The following SESTD1 variants were observed in gnomAD, a reference collection of about 807,000 sequenced individuals.
SESTD1 encodes the protein SEC14 and spectrin domain containing 1.
In SESTD1, 43 loss-of-function variants were observed where a neutral mutation model predicts 101.7. That is an observed-to-expected ratio of 0.42 (90% CI 0.33 to 0.55). The LOEUF (loss-of-function observed/expected upper bound fraction) is 0.55, where lower values mean the gene tolerates loss of function less well. SESTD1 is among the 20% of genes least tolerant of loss of function. The pLI is 0.07. For synonymous variants in SESTD1, 283 were observed against 286.8 expected, an observed-to-expected ratio of 0.99 and a Z score of 0.13; for missense variants, 647 against 815.1, an observed-to-expected ratio of 0.79 and a Z score of 2.51.
At chr2:179,259,727 A>G (rs1443860458) in intron 1 of SESTD1, among the ~76,000 whole-genome samples, 4 of 152,164 alleles carry the variant, frequency 2.6e-5, no homozygotes, top group Admixed American at 2.6e-4. Flanking sequence ...TATTCACTAC[A>G]TGCAAAGAAA....
In SESTD1 at chr2:179,176,529, A is replaced by G. The variant is rs565875336; in HGVS notation, c.174T>C (p.Cys58=). 7.4e-6 allele frequency: 12 copies of G among 1,612,586 alleles called. No homozygotes were observed. In the African/African-American group the frequency reaches 1.6e-4, roughly 21 times the overall value. ...CAATCACGGTAAATCCTCTAGCCTT[A>G]CACTTCTCACTGAAACAAAATAAAA... ...DYLLSIPSEK[C]KARGFTVIVD... The change falls in exon 4 of 18, where the codon TGT becomes TGC. Residue 58 remains cysteine (C), a synonymous_variant. Transcript: ENST00000428443.
chr2:179,136,702 T>C (rs1469923573), intron 9 of SESTD1, among the ~76,000 whole-genome samples: 1 of 152,148 alleles, frequency 6.6e-6, no homozygotes, highest in Non-Finnish European at 1.5e-5. Flanking sequence ...TAAGACATCA[T>C]TAAACATTTA....
At chr2:179,200,153 AG>A (rs1253661210) in intron 1 of SESTD1, among the ~76,000 whole-genome samples, 4 of 152,128 alleles carry the variant, frequency 2.6e-5, no homozygotes, top group Non-Finnish European at 5.9e-5. Flanking sequence ...CCAAATCATG[AG>A]TGAACTCCCA....
At chr2:179,249,469 T>C (rs2047282812) in intron 1 of SESTD1, among the ~76,000 whole-genome samples, 2 of 152,184 alleles carry the variant, frequency 1.3e-5, no homozygotes, top group African/African-American at 4.8e-5. Context: ...ACATGTATAA[T>C]ACTTGTATGC....
At chr2:179,208,735 C>G (rs964097002) in intron 1 of SESTD1, among the ~76,000 whole-genome samples, 1 of 135,026 alleles carries the variant, frequency 7.4e-6, no homozygotes, top group Non-Finnish European at 1.6e-5. Context: ...AATCTTGAAA[C>G]AAATCCTCGA....
rs549107984 is a variant in SESTD1 at position 179,215,545 on chromosome 2, G to A, written c.-25-23679C>T. Among the ~76,000 whole-genome samples, 164 of 133,830 alleles carry A rather than the reference G, an allele frequency of 1.2e-3. 31 individuals carry two copies. The highest frequency in any genetic ancestry group is 4.6e-3 in the African/African-American group (155 of 33,738). 87.8% of individuals were successfully genotyped at this position (133,830 alleles called of 152,430 possible). A position where few individuals can be genotyped will look rare whatever the true frequency, so the allele number is the denominator to read the frequency against. Reference sequence around the variant, plus strand: ...GTCCAGGACCAGACGATTCACAGCCGAATTCTAACAGGGGTACAAAGAGGA... The same window carrying A: ...GTCCAGGACCAGACGATTCACAGCCAAATTCTAACAGGGGTACAAAGAGGA... On this transcript the variant is annotated intron_variant, in intron 1 of 17. Coordinates refer to ENST00000428443, the MANE Select transcript of SESTD1 (RefSeq NM_178123.5).
chr2:179,238,607 T>G (rs1176234337), intron 1 of SESTD1, among the ~76,000 whole-genome samples: 1 of 152,140 alleles, frequency 6.6e-6, no homozygotes, highest in Non-Finnish European at 1.5e-5. Context: ...TGTAAGAAAC[T>G]AGAAACTTAT....
chr2:179,252,951 G>A (rs1176868834), intron 1 of SESTD1, among the ~76,000 whole-genome samples: 1 of 152,036 alleles, frequency 6.6e-6, no homozygotes, highest in East Asian at 1.9e-4. Flanking sequence ...CCAACCCCCA[G>A]GAATCTGTTC....
At chr2:179,141,705 TCC>T (rs1172081273) in intron 9 of SESTD1, among the ~76,000 whole-genome samples, 1 of 152,086 alleles carries the variant, frequency 6.6e-6, no homozygotes, top group Non-Finnish European at 1.5e-5. Context: ...ACCTTCCTTT[TCC>T]CCAAGGTCAA....
At chr2:179,157,729 C>T (rs2045658215) in intron 5 of SESTD1, among the ~76,000 whole-genome samples, 1 of 152,058 alleles carries the variant, frequency 6.6e-6, no homozygotes, top group South Asian at 2.1e-4. Context: ...ATTCACTTAA[C>T]AATCATTATT....
At chr2:179,166,992 T>A (rs1187944219) in intron 5 of SESTD1, among the ~76,000 whole-genome samples, 1 of 152,044 alleles carries the variant, frequency 6.6e-6, no homozygotes, top group Non-Finnish European at 1.5e-5. Flanking sequence ...ACAAGATGTC[T>A]AACATTCAAT....
chr2:179,237,915 G>C (rs2047093176), intron 1 of SESTD1, among the ~76,000 whole-genome samples: 2 of 152,038 alleles, frequency 1.3e-5, no homozygotes, highest in African/African-American at 4.8e-5. Context: ...AGCAATACAG[G>C]GATTATGGGC....
chr2:179,191,832 A>T lies in SESTD1; in HGVS notation c.10T>A (p.Ser4Thr). MEA[S>T]VILPILKKKL... ...TTCTTCAGAATGGGTAATATTACTG[A>T]GGCCTCCATTTTACTCCAGTGAACT... The change falls in exon 2 of 18, where the codon TCA (serine) becomes ACA (threonine). Residue 4 changes from serine (S) to threonine (T), a missense_variant. Transcript: ENST00000428443. 1 of 1,612,384 alleles carries T rather than the reference A, an allele frequency of 6.2e-7. No homozygotes were observed. Among genetic ancestry groups the T allele is most frequent in the Non-Finnish European group, 8.5e-7 (1 of 1,179,102 alleles).
At chr2:179,134,232 T>A (rs1038135809) in intron 9 of SESTD1, among the ~76,000 whole-genome samples, 2 of 152,194 alleles carry the variant, frequency 1.3e-5, no homozygotes, top group African/African-American at 4.8e-5. Flanking sequence ...TACTCCAGAT[T>A]TCAGTGTTAT....
chr2:179,211,602 A>AT (rs1309740464), intron 1 of SESTD1, among the ~76,000 whole-genome samples: 2 of 133,934 alleles, frequency 1.5e-5, no homozygotes, highest in African/African-American at 5.9e-5. Context: ...TGGTGCTGGG[A>AT]TAATTGGCAA....
Position 179,121,900 on chromosome 2 carries a change from CT to C in SESTD1, c.1311del (p.Gly438ValfsTer20). 5 of 1,607,054 alleles carry C rather than the reference CT, an allele frequency of 3.1e-6. No homozygotes were observed. The highest frequency in any genetic ancestry group is 2.3e-5 in the East Asian group (1 of 44,416). On this transcript the variant is annotated frameshift_variant, in exon 13 of 18. Coordinates refer to ENST00000428443, the MANE Select transcript of SESTD1 (RefSeq NM_178123.5). LOFTEE classifies it high-confidence loss of function. ...VDVGLQGLREKGQGLLDQISN... is the reference protein window; with the variant it reads ...VDVGLQGLREXGQGLLDQISN... ...GAGATCTGATCCAGGAGACCTTGACCTTTTTCACGCAAACCTTGCAATCCCA... is the reference window on the plus strand; with the variant it reads ...GAGATCTGATCCAGGAGACCTTGACCTTTTCACGCAAACCTTGCAATCCCA...
At chr2:179,139,016 AT>A (rs764490975) in intron 9 of SESTD1, among the ~76,000 whole-genome samples, 2 of 151,470 alleles carry the variant, frequency 1.3e-5, no homozygotes, top group African/African-American at 4.8e-5. Context: ...TGTAATCCTC[AT>A]TTTTTTCCTT....
intron 9 of SESTD1, among the ~76,000 whole-genome samples, chr2:179,133,125 T>C (rs2045049108): frequency 6.6e-6 from 1 of 152,056 alleles, no homozygotes; most frequent in African/African-American, 2.4e-5. Context: ...GTGGGAACTA[T>C]AGTTTGCCAG....
At chr2:179,238,874 C>CT (rs2047107887) in intron 1 of SESTD1, among the ~76,000 whole-genome samples, 1 of 152,062 alleles carries the variant, frequency 6.6e-6, no homozygotes, top group Non-Finnish European at 1.5e-5. Flanking sequence ...CTTCCTCTGC[C>CT]TTGCCCTCGT....
Sources: allele counts gnomAD v4.1 joint callset (sites outside exome capture counted in the v4.1 genomes callset), GRCh38; gene constraint gnomAD v4.1.1; transcripts MANE v1.5; gene names NCBI Gene and HGNC (gene_info 2026-07-23, HGNC 2026-07-21).